The following FHOD3 variants were observed in gnomAD, a reference collection of about 807,000 sequenced individuals.
FHOD3 encodes FH1/FH2 domain-containing protein 3.
Under a neutral mutation model 173.0 loss-of-function variants are expected in FHOD3, and 90 were observed. That is an observed-to-expected ratio of 0.52 (90% CI 0.44 to 0.62). The LOEUF is 0.62. FHOD3 is among the 20% of genes least tolerant of loss of function. The pLI, the probability that FHOD3 is intolerant of heterozygous loss-of-function variation, is 0.00. For synonymous variants in FHOD3, 828 were observed against 823.0 expected, an observed-to-expected ratio of 1.01 and a Z score of -0.10; for missense variants, 1,945 against 2,034.7, an observed-to-expected ratio of 0.96 and a Z score of 0.85.
chr18:36,586,646 G>A (rs984330043), intron 6 of FHOD3, among the ~76,000 whole-genome samples: 2 of 152,074 alleles, frequency 1.3e-5, no homozygotes, highest in African/African-American at 2.4e-5. Context: ...GCGCCACCAT[G>A]CCCAGCTAAT....
chr18:36,319,710 A>T (rs2044296878), intron 1 of FHOD3, among the ~76,000 whole-genome samples: 1 of 152,224 alleles, frequency 6.6e-6, no homozygotes, highest in Admixed American at 6.5e-5. Context: ...CATCGCACTT[A>T]TTCTAAAATT....
chr18:36,754,484 A>AGTTAAAATAAATTTATTTTATG (rs1167989516), intron 24 of FHOD3, among the ~76,000 whole-genome samples: 1 of 152,110 alleles, frequency 6.6e-6, no homozygotes, highest in Non-Finnish European at 1.5e-5. Context: ...CAAATTAAGT[A>AGTTAAAATAAATTTATTTTATG]GTTAAAATAA....
chr18:36,420,211 C>T (rs1003341092), intron 3 of FHOD3, among the ~76,000 whole-genome samples: 3 of 152,162 alleles, frequency 2.0e-5, no homozygotes, highest in African/African-American at 7.2e-5. Context: ...GCACATGTCA[C>T]TGTTGAATTA....
At position 36,759,148 on chromosome 18, in the gene FHOD3, CCA is replaced by C; in HGVS notation, c.4449+8_4449+9del. 1 of 1,535,742 alleles carries C rather than the reference CCA, an allele frequency of 6.5e-7. No individual in the cohort carries two copies. Among genetic ancestry groups the C allele is most frequent in the African/African-American group, 1.4e-5 (1 of 73,122 alleles). On this transcript the variant is annotated splice_region_variant and intron_variant, in intron 26 of 28. Coordinates refer to ENST00000590592, the MANE Select transcript of FHOD3 (RefSeq NM_001281740.3). ...TGAGGAGGAGGAAGTTGAGGTATGA[CCA>C]TTTATGAACATGAAGAATGCCACAT...
chr18:36,297,821 C>T lies in FHOD3; in HGVS notation c.-15C>T. The T allele has an allele frequency of 6.7e-7, 1 of 1,502,444 alleles. No homozygotes were observed. Among genetic ancestry groups the T allele is most frequent in the African/African-American group, 1.5e-5 (1 of 68,688 alleles). The allele number at this position is 1,502,444 out of a possible 1,614,324, so 93.1% of individuals were successfully genotyped here. On this transcript the variant is annotated 5_prime_UTR_variant, in exon 1 of 29. Coordinates refer to ENST00000590592, the MANE Select transcript of FHOD3 (RefSeq NM_001281740.3). Reference sequence around the variant, plus strand: ...GCTAACCCCGGGGCCCGCGCCCCCGCGGCAGGGATGCATCATGGCCACGCT... The same window carrying T: ...GCTAACCCCGGGGCCCGCGCCCCCGTGGCAGGGATGCATCATGGCCACGCT...
intron 3 of FHOD3, among the ~76,000 whole-genome samples, chr18:36,432,359 T>G (rs567254852): frequency 1.3e-5 from 2 of 152,360 alleles, no homozygotes; most frequent in African/African-American, 4.8e-5. Flanking sequence ...GTTAAGAAAT[T>G]CGTGAGATGC....
chr18:36,770,789 C>CT (rs2043342533), intron 28 of FHOD3, among the ~76,000 whole-genome samples: 1 of 152,158 alleles, frequency 6.6e-6, no homozygotes, highest in Admixed American at 6.5e-5. Context: ...GATATCTGGG[C>CT]TGCACCCACA....
At chr18:36,396,146 C>A (rs1337442008) in intron 3 of FHOD3, among the ~76,000 whole-genome samples, 4 of 151,904 alleles carry the variant, frequency 2.6e-5, no homozygotes, top group African/African-American at 4.8e-5. Flanking sequence ...GCTTTTATGT[C>A]CCTTGTTATT....
intron 3 of FHOD3, among the ~76,000 whole-genome samples, chr18:36,379,436 G>A (rs2047624414): frequency 1.3e-5 from 2 of 152,068 alleles, no homozygotes; most frequent in African/African-American, 2.4e-5. Flanking sequence ...TCATCTCTAG[G>A]GATCTCGAGG....
At chr18:36,680,921 C>CT (rs1401061776) in intron 14 of FHOD3, among the ~76,000 whole-genome samples, 2 of 152,192 alleles carry the variant, frequency 1.3e-5, no homozygotes, top group South Asian at 2.1e-4. Context: ...TATAAAATCA[C>CT]TTTTTTTAAA....
chr18:36,722,416 A>T (rs1171360911), intron 19 of FHOD3, among the ~76,000 whole-genome samples: 3 of 152,110 alleles, frequency 2.0e-5, no homozygotes, highest in Non-Finnish European at 4.4e-5. Flanking sequence ...ATGGAGTGGA[A>T]CTCAGTTTCC....
chr18:36,351,203 T>A (rs184411261), intron 1 of FHOD3, among the ~76,000 whole-genome samples: 1 of 152,308 alleles, frequency 6.6e-6, no homozygotes, highest in East Asian at 1.9e-4. Flanking sequence ...CTGTGAGGAC[T>A]CCACATGAAG....
At chr18:36,517,381 A>T (rs2056048260) in intron 5 of FHOD3, among the ~76,000 whole-genome samples, 1 of 152,166 alleles carries the variant, frequency 6.6e-6, no homozygotes, top group African/African-American at 2.4e-5. Context: ...TGGAACCAAG[A>T]TTCACACTGT....
At chr18:36,603,527 A>G (rs1398298896) in intron 8 of FHOD3, among the ~76,000 whole-genome samples, 3 of 151,800 alleles carry the variant, frequency 2.0e-5, no homozygotes, top group African/African-American at 7.3e-5. Context: ...TATTTGAGGC[A>G]GAGTCTCACT....
rs142900451 is a variant in FHOD3, at chr18:36,754,976, TTTATTATTA to T, written c.4233-110_4233-102del. Reference sequence around the variant, plus strand: ...ACTGAGAGTGTGGCTTGTTGGTTTCTTTATTATTATTATTATTATTATTATTATTATTAT... The same window carrying T: ...ACTGAGAGTGTGGCTTGTTGGTTTCTTTATTATTATTATTATTATTATTAT... On this transcript the variant is annotated intron_variant, in intron 24 of 28. Transcript: ENST00000590592. 0.051 allele frequency: 8,614 copies of T among 168,222 alleles called. 692 individuals carry two copies. The highest frequency in any genetic ancestry group is 0.18 in the African/African-American group (7,173 of 39,124). The allele number at this position is 168,222 out of a possible 1,614,324, so 10.4% of individuals were successfully genotyped here. A position where few individuals can be genotyped will look rare whatever the true frequency, so the allele number is the denominator to read the frequency against.
chr18:36,765,745 T>A (rs2043111523), intron 27 of FHOD3, among the ~76,000 whole-genome samples: 1 of 152,034 alleles, frequency 6.6e-6, no homozygotes, highest in Non-Finnish European at 1.5e-5. Context: ...AGAGGATTAG[T>A]GAATTCAAAG....
chr18:36,775,514 T>C lies in FHOD3; in HGVS notation c.4787-3934T>C, dbSNP rs959761071. On this transcript the variant is annotated intron_variant, in intron 28 of 28. Coordinates refer to ENST00000590592, the MANE Select transcript of FHOD3 (RefSeq NM_001281740.3). ...TCTCTGGTCCGGGTTTGCTCACTTA[T>C]TGAAGATATAACAAGAGTTCCCATC... is the stretch of plus-strand genomic sequence containing the variant. Among the ~76,000 whole-genome samples the C allele has an allele frequency of 2.6e-5, 4 of 152,288 alleles. No individual in the cohort carries two copies. The East Asian group carries it at 7.7e-4, about 29-fold the overall frequency.
chr18:36,507,387 C>A (rs2055360881), intron 4 of FHOD3, among the ~76,000 whole-genome samples: 1 of 152,176 alleles, frequency 6.6e-6, no homozygotes, highest in Admixed American at 6.5e-5. Flanking sequence ...GGGTTCCATC[C>A]TTGAGATATG....
intron 18 of FHOD3, chr18:36,709,643 G>A: frequency 2.1e-6 from 1 of 471,612 alleles, no homozygotes; most frequent in Non-Finnish European, 3.8e-6. Context: ...TCCACACCTG[G>A]GGAAAAGGGC....
Sources: allele counts gnomAD v4.1 joint callset (sites outside exome capture counted in the v4.1 genomes callset), GRCh38; gene constraint gnomAD v4.1.1; transcripts MANE v1.5; gene names NCBI Gene and HGNC (gene_info 2026-07-23, HGNC 2026-07-21).